The following CLUL1 variants were observed in gnomAD, a reference collection of about 807,000 sequenced individuals.
The protein encoded by CLUL1 is clusterin like 1, also known as clusterin-like protein 1.
In CLUL1, 43 loss-of-function variants were observed where a neutral mutation model predicts 49.4. The observed-to-expected ratio is 0.87, with a 90% CI of 0.68 to 1.12. CLUL1 has a LOEUF of 1.12. CLUL1 is among the 50% of genes most tolerant of loss of function. The pLI, the probability that CLUL1 is intolerant of heterozygous loss-of-function variation, is 0.00. For synonymous variants in CLUL1, 192 were observed against 184.9 expected (o/e 1.04, Z -0.31); for missense variants, 486 against 544.4 (o/e 0.89, Z 1.07).
chr18:646,126 C>T (rs550740204), intron 9 of CLUL1, among the ~76,000 whole-genome samples: 3 of 151,602 alleles, frequency 2.0e-5, no homozygotes, highest in African/African-American at 4.8e-5. Context: ...GTTCTCTCTC[C>T]GACTCCATCA....
At chr18:642,475 C>T (rs536667229) in intron 8 of CLUL1, among the ~76,000 whole-genome samples, 1 of 152,260 alleles carries the variant, frequency 6.6e-6, no homozygotes, top group Admixed American at 6.5e-5. Context: ...TAAATTCCAC[C>T]TATACCATGA....
intron 1 of CLUL1, among the ~76,000 whole-genome samples, chr18:597,348 G>T (rs1272918604): frequency 6.6e-6 from 1 of 152,206 alleles, no homozygotes; most frequent in Non-Finnish European, 1.5e-5. Flanking sequence ...CTCCTGGGCT[G>T]TTCCAATACG....
chr18:622,751 C>T (rs1192473635), intron 4 of CLUL1, among the ~76,000 whole-genome samples: 1 of 152,150 alleles, frequency 6.6e-6, no homozygotes, highest in Non-Finnish European at 1.5e-5. Flanking sequence ...GATGTCTTGC[C>T]TATGATAATG....
At chr18:642,500 C>A (rs1567977530) in intron 8 of CLUL1, among the ~76,000 whole-genome samples, 1 of 152,184 alleles carries the variant, frequency 6.6e-6, no homozygotes, top group Admixed American at 6.5e-5. Flanking sequence ...CAGATTCAGT[C>A]AATAACTTTT....
intron 1 of CLUL1, among the ~76,000 whole-genome samples, chr18:605,957 A>T (rs896850576): frequency 6.6e-6 from 1 of 151,970 alleles, no homozygotes; most frequent in Non-Finnish European, 1.5e-5. Flanking sequence ...GAGCCACCAC[A>T]CCCAGCCCCA....
chr18:611,989 C>T (rs2073148590), intron 2 of CLUL1, among the ~76,000 whole-genome samples: 1 of 152,158 alleles, frequency 6.6e-6, no homozygotes, highest in Non-Finnish European at 1.5e-5. Context: ...CAGCAGCCAC[C>T]TTTGATTCTG....
At chr18:598,596 C>T (rs1312422558) in intron 1 of CLUL1, 1 of 398,436 alleles carries the variant, frequency 2.5e-6, no homozygotes, top group African/African-American at 2.1e-5. Context: ...AGCAGAGGGT[C>T]AGATCACCCT....
chr18:618,023 T>A lies in CLUL1; in HGVS notation c.23T>A (p.Phe8Tyr). MKPPLLVFIVCLLWLKDS... is the reference protein window; with the variant it reads MKPPLLVYIVCLLWLKDS... ...AACATGAAGCCGCCACTCTTGGTGT[T>A]TATTGTGTGTCTGCTGTGGTTGAAA... The change falls in exon 3 of 10, where the codon TTT becomes TAT. Residue 8 changes from phenylalanine (F) to tyrosine (Y), a missense_variant. Coordinates refer to ENST00000692774, the MANE Select transcript of CLUL1 (RefSeq NM_001393344.1). The surrounding 1 kb of genome is among the most constrained non-coding windows in gnomAD (Gnocchi z 4.2). The A allele has an allele frequency of 1.2e-6, 2 of 1,614,156 alleles. No homozygotes were observed. Among genetic ancestry groups the A allele is most frequent in the Non-Finnish European group, 1.7e-6 (2 of 1,179,994 alleles).
At chr18:614,952 A>G (rs2073247654) in intron 2 of CLUL1, among the ~76,000 whole-genome samples, 1 of 152,238 alleles carries the variant, frequency 6.6e-6, no homozygotes, top group South Asian at 2.1e-4. Context: ...CTTTATGGCC[A>G]TGCATCTAAG....
Position 627,234 on chromosome 18 carries a change from G to T in CLUL1, c.561G>T (p.Leu187Phe). ...LTQMEDVFSQ[L>F]TVDVNSLFNR... ...AAATGGAGGATGTGTTCAGCCAGTT[G>T]ACTGTGGATGTGAATTCTCTCTTTA... Residue 187 changes from leucine to phenylalanine, a missense_variant, in exon 6 of 10, where the codon TTG (leucine) becomes TTT (phenylalanine). Transcript: ENST00000692774. 6.2e-7 allele frequency: 1 copy of T among 1,613,996 alleles called. No individual in the cohort carries two copies. Among genetic ancestry groups the T allele is most frequent in the South Asian group, 1.1e-5 (1 of 91,062 alleles).
intron 7 of CLUL1, among the ~76,000 whole-genome samples, chr18:633,781 A>T (rs114985668): frequency 1.3e-5 from 2 of 150,496 alleles, no homozygotes; most frequent in Non-Finnish European, 1.5e-5. Flanking sequence ...AAAAATGGTT[A>T]TGACAGAGCA....
At chr18:633,177 A>T in intron 6 of CLUL1, 121 bp from the exon 7 acceptor site, 4 of 699,722 alleles carry the variant, frequency 5.7e-6, no homozygotes, top group Non-Finnish European at 9.1e-6. Flanking sequence ...AATTAAATAC[A>T]TACATACATA....
intron 7 of CLUL1, among the ~76,000 whole-genome samples, chr18:639,131 A>T (rs2074250546): frequency 6.8e-6 from 1 of 147,478 alleles, no homozygotes. Flanking sequence ...TAAACTTAAA[A>T]ACATGCTTCA....
intron 7 of CLUL1, among the ~76,000 whole-genome samples, chr18:636,989 T>C (rs1241202994): frequency 1.3e-4 from 20 of 151,478 alleles, no homozygotes; most frequent in African/African-American, 4.9e-4. Flanking sequence ...GTTTTGTTTT[T>C]GTTTTTGTTT....
At chr18:629,034 C>T (rs928277257) in intron 6 of CLUL1, among the ~76,000 whole-genome samples, 1 of 152,132 alleles carries the variant, frequency 6.6e-6, no homozygotes, top group African/African-American at 2.4e-5. Flanking sequence ...TCAAAATCGC[C>T]ATGACATTAC....
At chr18:616,108 G>T (rs2073281352) in intron 2 of CLUL1, among the ~76,000 whole-genome samples, 2 of 152,220 alleles carry the variant, frequency 1.3e-5, no homozygotes, top group African/African-American at 4.8e-5. Flanking sequence ...TCCAGAGTTG[G>T]CTATCATGAC....
Position 641,514 on chromosome 18 carries a change from AAC to A in CLUL1, c.1184_1185del (p.Thr395ArgfsTer5), listed in dbSNP as rs772358176. The A allele has an allele frequency of 6.2e-6, 10 of 1,614,082 alleles. 1 individual carries two copies. The South Asian group carries it at 1.1e-4, about 18-fold the overall frequency. ...CTGAACTGGCAAACCAGGCCCCAGA[AAC>A]AGAGATCATCTTTAATTCAATACAG... is the stretch of plus-strand genomic sequence containing the variant. The part of the protein sequence containing the change: ...VSELANQAPE[T>X]EIIFNSIQVV... On this transcript the variant is annotated frameshift_variant, in exon 8 of 10. Coordinates refer to ENST00000692774, the MANE Select transcript of CLUL1 (RefSeq NM_001393344.1). LOFTEE classifies it high-confidence loss of function.
rs2074625502 is a variant in CLUL1, at chr18:649,835, C to G, written c.1398-63C>G. On this transcript the variant is annotated intron_variant, in intron 9 of 9. Transcript: ENST00000692774. ...TGGACTTTTACTCCAAGAAAAAATA[C>G]ACTGAGTCTGTGAGTAATTTATTAG... The G allele has an allele frequency of 2.8e-6, 3 of 1,082,138 alleles. No individual in the cohort carries two copies. In the African/African-American group the frequency reaches 4.8e-5, roughly 17 times the overall value. 67.0% of individuals were successfully genotyped at this position (1,082,138 alleles called of 1,614,324 possible).
At chr18:644,546 C>T (rs1288805890) in intron 8 of CLUL1, among the ~76,000 whole-genome samples, 1 of 152,182 alleles carries the variant, frequency 6.6e-6, no homozygotes. Context: ...AAGTTCTGGC[C>T]AGTGAAGCGT....
Sources: gnomAD v4.1 joint callset for allele counts (sites outside exome capture counted in the v4.1 genomes callset) on GRCh38, gnomAD v4.1.1 for gene constraint, Gnocchi (gnomAD v3.1) non-coding constraint, MANE v1.5 for transcripts, NCBI Gene and HGNC (gene_info 2026-07-23, HGNC 2026-07-21) for gene names.